The following ZNF827 variants were observed in gnomAD, a reference collection of about 807,000 sequenced individuals.
ZNF827 encodes zinc finger protein 827.
In ZNF827, 13 loss-of-function variants were observed where a neutral mutation model predicts 102.4. The ratio of observed to expected loss-of-function variants is 0.13; its 90% CI spans 0.08 to 0.20. The LOEUF is 0.20. Among genes scored for constraint, ZNF827 ranks in the 10% least tolerant of loss-of-function variants. ZNF827 has a pLI of 1.00. For synonymous variants in ZNF827, 523 were observed against 536.2 expected (o/e 0.98, Z 0.34); for missense variants, 1,103 against 1,344.4 (o/e 0.82, Z 2.81).
intron 8 of ZNF827, among the ~76,000 whole-genome samples, chr4:145,821,806 C>A (rs563042548): frequency 6.6e-6 from 1 of 152,254 alleles, no homozygotes; most frequent in East Asian, 1.9e-4. Context: ...GAAAACCCCC[C>A]GATGCACAGT....
chr4:145,873,620 T>C (rs1443052938), intron 4 of ZNF827, among the ~76,000 whole-genome samples: 1 of 152,218 alleles, frequency 6.6e-6, no homozygotes, highest in Non-Finnish European at 1.5e-5. Context: ...CAATGCCATA[T>C]GAATCTGAAT....
At chr4:145,769,078 A>C (rs752696699) in intron 11 of ZNF827, among the ~76,000 whole-genome samples, 5 of 151,290 alleles carry the variant, frequency 3.3e-5, no homozygotes, top group African/African-American at 1.2e-4. Context: ...ATATGTACCC[A>C]CTTACAATGT....
At chr4:145,925,396 C>T (rs1467827639) in intron 1 of ZNF827, among the ~76,000 whole-genome samples, 1 of 152,214 alleles carries the variant, frequency 6.6e-6, no homozygotes, top group Non-Finnish European at 1.5e-5. Context: ...ACCCATCACA[C>T]TTGCTCTGTG....
chr4:145,865,447 C>G (rs192367148), intron 5 of ZNF827, among the ~76,000 whole-genome samples: 24 of 152,280 alleles, frequency 1.6e-4, no homozygotes, highest in Admixed American at 1.2e-3. Context: ...CCTTAGCTGT[C>G]AGAATCGCTA....
In ZNF827 at chr4:145,763,222, T is replaced by C. The variant is rs897318510; in HGVS notation, c.3231-100A>G. 10 of 1,183,300 alleles carry C rather than the reference T, an allele frequency of 8.5e-6. No homozygotes were observed. In the African/African-American group the frequency reaches 1.5e-4, roughly 18 times the overall value. The allele number at this position is 1,183,300 out of a possible 1,614,324, so 73.3% of individuals were successfully genotyped here. On this transcript the variant is annotated intron_variant, in intron 13 of 14. Coordinates refer to ENST00000508784, the MANE Select transcript of ZNF827 (RefSeq NM_001306215.2). The surrounding 1 kb of genome is among the most constrained non-coding windows in gnomAD (Gnocchi z 4.6). ...CCATCACAGAAAAGCAATTTAGACA[T>C]CAGCAGTCTGTTTCATTTTAAGGAC...
chr4:145,811,873 T>C (rs1742044817), intron 8 of ZNF827, among the ~76,000 whole-genome samples: 1 of 152,106 alleles, frequency 6.6e-6, no homozygotes, highest in South Asian at 2.1e-4. Flanking sequence ...TTAAAACATC[T>C]GTTAGCTCAG....
At chr4:145,905,495 T>C (rs999052021) in intron 1 of ZNF827, among the ~76,000 whole-genome samples, 1 of 152,216 alleles carries the variant, frequency 6.6e-6, no homozygotes, top group African/African-American at 2.4e-5. Context: ...TAAATTGAAT[T>C]TTCTCTGTTA....
intron 8 of ZNF827, among the ~76,000 whole-genome samples, chr4:145,805,022 T>C (rs1741269097): frequency 6.6e-6 from 1 of 152,206 alleles, no homozygotes; most frequent in Non-Finnish European, 1.5e-5. Flanking sequence ...CAACAGCCTC[T>C]AGGCATGTTT....
intron 8 of ZNF827, among the ~76,000 whole-genome samples, chr4:145,781,221 A>T (rs1265330447): frequency 1.5e-5 from 2 of 136,418 alleles, no homozygotes; most frequent in African/African-American, 5.7e-5. Context: ...AAAAAAAGAA[A>T]AAAAAAGAAA....
intron 8 of ZNF827, among the ~76,000 whole-genome samples, chr4:145,780,192 AAAACAAACAAACAAAC>A (rs143206937): frequency 1.3e-5 from 2 of 151,254 alleles, no homozygotes; most frequent in South Asian, 2.1e-4. Context: ...CGCTGTCTCA[AAAACAAACAAACAAAC>A]AAACAAACAA....
chr4:145,794,682 A>G (rs1191098004), intron 8 of ZNF827, among the ~76,000 whole-genome samples: 2 of 152,070 alleles, frequency 1.3e-5, no homozygotes, highest in Non-Finnish European at 2.9e-5. Context: ...CCCGGGCGAC[A>G]GGGCGAGACC....
intron 1 of ZNF827, among the ~76,000 whole-genome samples, chr4:145,935,840 G>A (rs933545520): frequency 6.6e-6 from 1 of 152,138 alleles, no homozygotes; most frequent in African/African-American, 2.4e-5. Flanking sequence ...GGAGGTCAGG[G>A]TCAAGGTCAT....
chr4:145,813,669 C>T (rs920607951), intron 8 of ZNF827, among the ~76,000 whole-genome samples: 30 of 152,178 alleles, frequency 2.0e-4, no homozygotes, highest in African/African-American at 6.5e-4. Context: ...ATCAGTCTTA[C>T]GAGTGCATGT....
chr4:145,820,557 C>T (rs1743044782), intron 8 of ZNF827, among the ~76,000 whole-genome samples: 1 of 152,170 alleles, frequency 6.6e-6, no homozygotes, highest in Non-Finnish European at 1.5e-5. Context: ...TCACTAAAGC[C>T]AGCTGTCTCC....
chr4:145,818,582 C>T (rs1169219596), intron 8 of ZNF827, among the ~76,000 whole-genome samples: 1 of 152,136 alleles, frequency 6.6e-6, no homozygotes, highest in Non-Finnish European at 1.5e-5. Context: ...ATGACTTTGT[C>T]TAAATTGAAA....
intron 1 of ZNF827, among the ~76,000 whole-genome samples, chr4:145,910,241 C>T (rs1752182162): frequency 6.6e-6 from 1 of 152,124 alleles, no homozygotes; most frequent in African/African-American, 2.4e-5. Flanking sequence ...AAAGGTAACA[C>T]AAATGAACGC....
At chr4:145,800,779 C>A (rs1055447602) in intron 8 of ZNF827, among the ~76,000 whole-genome samples, 1 of 152,166 alleles carries the variant, frequency 6.6e-6, no homozygotes, top group Non-Finnish European at 1.5e-5. Flanking sequence ...GTACTTCCCC[C>A]AGTTAAGACA....
chr4:145,872,187 G>A (rs1053792890), intron 4 of ZNF827, among the ~76,000 whole-genome samples: 6 of 151,924 alleles, frequency 3.9e-5, no homozygotes, highest in Middle Eastern at 3.2e-3. Flanking sequence ...TTCATATGTC[G>A]AAGCCCTAAC....
chr4:145,891,556 T>A (rs1385201009), intron 3 of ZNF827, among the ~76,000 whole-genome samples: 1 of 152,162 alleles, frequency 6.6e-6, no homozygotes, highest in African/African-American at 2.4e-5. Flanking sequence ...TTAGTGTAGG[T>A]TTGAGCTCCC....
Sources: gnomAD v4.1 joint callset for allele counts (sites outside exome capture counted in the v4.1 genomes callset) on GRCh38, gnomAD v4.1.1 for gene constraint, Gnocchi (gnomAD v3.1) non-coding constraint, MANE v1.5 for transcripts, NCBI Gene and HGNC (gene_info 2026-07-23, HGNC 2026-07-21) for gene names.